The following CSNK1G2 variants were observed in gnomAD, a reference collection of about 807,000 sequenced individuals.
The protein encoded by CSNK1G2 is casein kinase 1 gamma 2, also known as casein kinase I isoform gamma-2.
CSNK1G2 carries 11 observed loss-of-function variants against 48.0 expected under a neutral mutation model. That is an observed-to-expected ratio of 0.23 (90% confidence interval 0.14 to 0.38). The LOEUF (loss-of-function observed/expected upper bound fraction) is 0.38. Among genes scored for constraint, CSNK1G2 ranks in the 10% least tolerant of loss-of-function variants. The probability of loss-of-function intolerance (pLI) is 1.00; values close to 1 mark genes in which losing one functional copy is unlikely to be tolerated. For missense variants in CSNK1G2, 446 were observed against 595.5 expected, an observed-to-expected ratio of 0.75 and a Z score of 2.61; for synonymous variants, 337 against 254.1, an observed-to-expected ratio of 1.33 and a Z score of -3.10.
chr19:1,965,019 C>T (rs1372076904), intron 1 of CSNK1G2, among the ~76,000 whole-genome samples: 1 of 149,888 alleles, frequency 6.7e-6, no homozygotes, highest in African/African-American at 2.4e-5. Context: ...AGCCACCGCG[C>T]CTGGCCAAAA....
rs2015495649 is a variant in CSNK1G2, at chr19:1,969,598, G to A, written c.-175G>A. 1 of 465,980 alleles carries A rather than the reference G, an allele frequency of 2.1e-6. No individual in the cohort carries two copies. The highest frequency in any genetic ancestry group is 3.6e-6 in the Non-Finnish European group (1 of 279,368). 28.9% of individuals were successfully genotyped at this position (465,980 alleles called of 1,614,324 possible). A position where few individuals can be genotyped will look rare whatever the true frequency, so the allele number is the denominator to read the frequency against. On this transcript the variant is annotated 5_prime_UTR_variant, in exon 2 of 12. Coordinates refer to ENST00000255641, the MANE Select transcript of CSNK1G2 (RefSeq NM_001319.7). The stretch of plus-strand genomic sequence containing the variant: ...CCCCGAGGCCACTGAGAAGAGCAGC[G>A]CGGCCTGGCCGGCCCGAACGCCTGC...
rs1332710385 is a variant in CSNK1G2, at chr19:1,967,983, C to T, written c.-265-1525C>T. Among the ~76,000 whole-genome samples, 21 of 40,186 alleles carry T rather than the reference C, an allele frequency of 5.2e-4. 8 individuals carry two copies. Among genetic ancestry groups the T allele is most frequent in the African/African-American group, 4.5e-3 (21 of 4,712 alleles). The allele number at this position is 40,186 out of a possible 152,430, so 26.4% of individuals were successfully genotyped here. On this transcript the variant is annotated intron_variant, in intron 1 of 11. Transcript: ENST00000255641. The stretch of plus-strand genomic sequence containing the variant: ...CTGCAGGTGGGGCTCCTCCCTCCTC[C>T]CCAGGCTGCCCCCGACCACCCTTCA...
At chr19:1,969,251 C>T (rs1287133108) in intron 1 of CSNK1G2, among the ~76,000 whole-genome samples, 5 of 142,862 alleles carry the variant, frequency 3.5e-5, no homozygotes, top group African/African-American at 1.4e-4. Context: ...CCACCCATCC[C>T]GCTTTACAGA....
At position 1,978,851 on chromosome 19, in the gene CSNK1G2, C is replaced by T; in HGVS notation, c.448-8C>T. 1 of 1,599,586 alleles carries T rather than the reference C, an allele frequency of 6.3e-7. No homozygotes were observed. The highest frequency in any genetic ancestry group is 2.2e-5 in the East Asian group (1 of 44,710). ...GGGCCCGGCCGACACCGCCGTGCCC[C>T]CCTGCAGATCACGCGCATGGAGTAT... On this transcript the variant is annotated splice_polypyrimidine_tract_variant and splice_region_variant and intron_variant, in intron 5 of 11. Transcript: ENST00000255641. This position sits in a 1 kb window ranked among gnomAD's most constrained non-coding sequence, Gnocchi z 7.3.
intron 1 of CSNK1G2, chr19:1,953,789 G>T (rs1326162327): frequency 2.0e-6 from 1 of 492,572 alleles, no homozygotes; most frequent in South Asian, 1.5e-5. Context: ...CCGCATCAGG[G>T]TCCGGTCCTG....
chr19:1,957,651 G>A lies in CSNK1G2; in HGVS notation c.-265-11857G>A, dbSNP rs371247905. ...GCCACTTTCACAGCTCACCACACAGGCAGAGACTGGAGGGTGCGCAGGACC... is the reference window on the plus strand; with the variant it reads ...GCCACTTTCACAGCTCACCACACAGACAGAGACTGGAGGGTGCGCAGGACC... On this transcript the variant is annotated intron_variant, in intron 1 of 11. Transcript: ENST00000255641. The surrounding 1 kb of genome is among the most constrained non-coding windows in gnomAD (Gnocchi z 5.4). 1.3e-5 allele frequency among the ~76,000 whole-genome samples: 2 copies of A among 152,298 alleles called. No homozygotes were observed. The highest frequency in any genetic ancestry group is 4.1e-4 in the South Asian group (2 of 4,828).
At chr19:1,943,721 C>CGGAAGCTGAGCTTA (rs1231924353) in intron 1 of CSNK1G2, among the ~76,000 whole-genome samples, 2 of 152,132 alleles carry the variant, frequency 1.3e-5, no homozygotes, top group Non-Finnish European at 2.9e-5. Context: ...CTGGGACGGA[C>CGGAAGCTGAGCTTA]GGAAGCTGAG....
At chr19:1,945,921 A>G (rs533840538) in intron 1 of CSNK1G2, among the ~76,000 whole-genome samples, 14 of 152,000 alleles carry the variant, frequency 9.2e-5, no homozygotes, top group Admixed American at 3.3e-4. Context: ...TGGAGAGGCC[A>G]TGGGGTGAGG....
At chr19:1,958,418 G>GC (rs1457988133) in intron 1 of CSNK1G2, among the ~76,000 whole-genome samples, 1 of 151,462 alleles carries the variant, frequency 6.6e-6, no homozygotes, top group Non-Finnish European at 1.5e-5. Context: ...TGTCTAGAGG[G>GC]CCTCAGCTCT....
At chr19:1,942,419 C>T (rs563945157) in intron 1 of CSNK1G2, 4 of 152,510 alleles carry the variant, frequency 2.6e-5, no homozygotes, top group Non-Finnish European at 4.4e-5. Context: ...GGAAGCGGGC[C>T]GGAGGGTTGT....
chr19:1,962,853 G>C (rs1006383303), intron 1 of CSNK1G2, among the ~76,000 whole-genome samples: 1 of 152,182 alleles, frequency 6.6e-6, no homozygotes, highest in African/African-American at 2.4e-5. Flanking sequence ...TGGAGTGGAA[G>C]CCCGCAGCCA....
chr19:1,968,613 G>A (rs560123428), intron 1 of CSNK1G2, among the ~76,000 whole-genome samples: 16 of 152,344 alleles, frequency 1.1e-4, no homozygotes, highest in Non-Finnish European at 1.3e-4. Context: ...CAGACTCAGC[G>A]AGGGGCTGTG....
rs2015941090 is a variant in CSNK1G2, at chr19:1,980,339, C to T, written c.*136C>T. 9.1e-7 allele frequency: 1 copy of T among 1,098,668 alleles called. No individual in the cohort carries two copies. The highest frequency in any genetic ancestry group is 1.3e-5 in the South Asian group (1 of 74,580). The allele number at this position is 1,098,668 out of a possible 1,614,324, so 68.1% of individuals were successfully genotyped here. On this transcript the variant is annotated 3_prime_UTR_variant, in exon 12 of 12. Transcript: ENST00000255641. ...GAAGCCAGAACGCAGACTGCAGGGG[C>T]CGCGCCTGGCTCAGGCGGCCCCACC...
intron 1 of CSNK1G2, among the ~76,000 whole-genome samples, chr19:1,963,539 G>A (rs1480008594): frequency 1.3e-5 from 2 of 151,378 alleles, no homozygotes; most frequent in Admixed American, 6.6e-5. Flanking sequence ...GCAGTGTCTC[G>A]CTGTATCACC....
intron 1 of CSNK1G2, among the ~76,000 whole-genome samples, chr19:1,967,994 C>A (rs1210322400): frequency 4.4e-5 from 2 of 45,538 alleles, no homozygotes; most frequent in African/African-American, 1.7e-4. Context: ...CCAGGCTGCC[C>A]CCGACCACCC....
chr19:1,972,839 G>A (rs1034384084), intron 2 of CSNK1G2, among the ~76,000 whole-genome samples: 13 of 151,800 alleles, frequency 8.6e-5, no homozygotes, highest in Non-Finnish European at 1.8e-4. Context: ...GGCCAGGCTG[G>A]TCTTGAACTC....
At chr19:1,975,874 A>G (rs2015735673) in intron 2 of CSNK1G2, 1 of 739,562 alleles carries the variant, frequency 1.4e-6, no homozygotes, top group African/African-American at 1.9e-5. Flanking sequence ...CATCTCTAGT[A>G]AAAATACAAA....
At chr19:1,975,599 G>A (rs2015725714) in intron 2 of CSNK1G2, 1 of 985,434 alleles carries the variant, frequency 1.0e-6, no homozygotes, top group Middle Eastern at 5.2e-4. Context: ...GCGGGGAAGG[G>A]GGGATGAATC....
chr19:1,941,744 C>G (rs113632485), intron 1 of CSNK1G2, among the ~76,000 whole-genome samples: 2 of 150,362 alleles, frequency 1.3e-5, no homozygotes, highest in Admixed American at 6.6e-5. Flanking sequence ...GCCCCAGTGA[C>G]CCTCACACTC....
Sources: gnomAD v4.1 joint callset for allele counts (sites outside exome capture counted in the v4.1 genomes callset) on GRCh38, gnomAD v4.1.1 for gene constraint, Gnocchi (gnomAD v3.1) non-coding constraint, MANE v1.5 for transcripts, NCBI Gene and HGNC (gene_info 2026-07-23, HGNC 2026-07-21) for gene names.